ROBO2: variants seen among roughly 807,000 people sequenced by gnomAD.
The protein encoded by ROBO2 is roundabout guidance receptor 2.
In ROBO2, 53 loss-of-function variants were observed where a neutral mutation model predicts 160.8. The observed-to-expected ratio is 0.33, with a 90% CI of 0.26 to 0.41. ROBO2 has a LOEUF of 0.41. Ranked by LOEUF, ROBO2 falls within the 10% of genes least tolerant of loss-of-function variation. The pLI is 1.00. For missense variants in ROBO2, 1,577 were observed against 1,722.4 expected, an observed-to-expected ratio of 0.92 and a Z score of 1.49; for synonymous variants, 664 against 611.7, an observed-to-expected ratio of 1.09 and a Z score of -1.26.
intron 2 of ROBO2, among the ~76,000 whole-genome samples, chr3:76,249,316 C>T (rs1013334189): frequency 6.6e-6 from 1 of 152,054 alleles, no homozygotes; most frequent in Non-Finnish European, 1.5e-5. Flanking sequence ...GCGGTTAAAA[C>T]TGAGATTCTC....
At chr3:76,315,255 G>A (rs1031587027) in intron 2 of ROBO2, among the ~76,000 whole-genome samples, 2 of 152,050 alleles carry the variant, frequency 1.3e-5, no homozygotes, top group Non-Finnish European at 2.9e-5. Context: ...TTAAACTATT[G>A]GCAACGAAGT....
chr3:75,929,172 CGTGTGTGTGTGTGTGTGT>C (rs35861088), intron 1 of ROBO2, among the ~76,000 whole-genome samples: 14 of 113,650 alleles, frequency 1.2e-4, no homozygotes, highest in African/African-American at 5.7e-4. Context: ...CTGGATAAGA[CGTGTGTGTGTGTGTGTGT>C]GTGTGTGTGT....
intron 16 of ROBO2, among the ~76,000 whole-genome samples, chr3:77,583,580 A>C (rs1357975757): frequency 1.3e-5 from 2 of 152,072 alleles, no homozygotes; most frequent in East Asian, 1.9e-4. Flanking sequence ...TGACCATATT[A>C]AGTCCATACA....
chr3:77,360,521 G>T (rs1252185258), intron 2 of ROBO2, among the ~76,000 whole-genome samples: 1 of 152,038 alleles, frequency 6.6e-6, no homozygotes, highest in Non-Finnish European at 1.5e-5. Flanking sequence ...AGATAATGAG[G>T]ACTATCTGTG....
chr3:77,093,361 C>T (rs989631747), intron 1 of ROBO2, among the ~76,000 whole-genome samples: 1 of 152,148 alleles, frequency 6.6e-6, no homozygotes, highest in Non-Finnish European at 1.5e-5. Context: ...CTCCCCCTTA[C>T]TGTTTTGTTC....
intron 2 of ROBO2, among the ~76,000 whole-genome samples, chr3:77,219,300 A>G (rs112727162): frequency 2.0e-3 from 309 of 151,520 alleles, no homozygotes; most frequent in African/African-American, 6.8e-3. Context: ...TAGAGTGCCC[A>G]TTGTTGCTCC....
At chr3:77,450,612 G>GA (rs2081018430) in intron 2 of ROBO2, among the ~76,000 whole-genome samples, 1 of 151,998 alleles carries the variant, frequency 6.6e-6, no homozygotes, top group Non-Finnish European at 1.5e-5. Flanking sequence ...CAATTAATAT[G>GA]AAAAAGTTTT....
At chr3:75,914,796 C>G (rs576851127) in intron 1 of ROBO2, among the ~76,000 whole-genome samples, 1 of 152,284 alleles carries the variant, frequency 6.6e-6, no homozygotes, top group African/African-American at 2.4e-5. Flanking sequence ...ACAAATGGTC[C>G]TTTCCTGCTG....
intron 2 of ROBO2, among the ~76,000 whole-genome samples, chr3:75,945,458 T>A (rs1401761566): frequency 6.6e-6 from 1 of 152,074 alleles, no homozygotes; most frequent in Non-Finnish European, 1.5e-5. Context: ...TATTTGCTGT[T>A]GTAATGACCT....
intron 2 of ROBO2, among the ~76,000 whole-genome samples, chr3:77,405,534 A>C (rs753050277): frequency 2.2e-4 from 34 of 152,060 alleles, no homozygotes; most frequent in Admixed American, 4.6e-4. Flanking sequence ...TTAACATTGC[A>C]GGTAGAACTC....
chr3:76,525,413 G>A (rs1413435064), intron 2 of ROBO2, among the ~76,000 whole-genome samples: 1 of 151,940 alleles, frequency 6.6e-6, no homozygotes, highest in Non-Finnish European at 1.5e-5. Flanking sequence ...GTCTCTGACA[G>A]TTTAATGAAT....
At chr3:77,577,292 G>A (rs1441489374) in intron 14 of ROBO2, among the ~76,000 whole-genome samples, 198 bp from the exon 16 acceptor site, 1 of 152,046 alleles carries the variant, frequency 6.6e-6, no homozygotes, top group African/African-American at 2.4e-5. Flanking sequence ...TACAAAAGCT[G>A]TTCCATTTGC....
chr3:77,216,357 G>A (rs62251855), intron 2 of ROBO2, among the ~76,000 whole-genome samples: 3,385 of 152,278 alleles, frequency 0.022, 48 homozygotes, highest in Middle Eastern at 0.048. Flanking sequence ...GACTCCGTGG[G>A]CATAGGACCC....
At chr3:77,630,696 A>T (rs2095142506) in intron 23 of ROBO2, 1 of 152,146 alleles carries the variant, frequency 6.6e-6, no homozygotes, top group Non-Finnish European at 1.5e-5. Flanking sequence ...CTTCACAAAA[A>T]TAATGTAGAA....
At chr3:77,021,549 C>T (rs927341207) in intron 2 of ROBO2, among the ~76,000 whole-genome samples, 1 of 152,142 alleles carries the variant, frequency 6.6e-6, no homozygotes, top group African/African-American at 2.4e-5. Context: ...AGAGGAGGTC[C>T]TGCCCTATAC....
chr3:77,564,982 G>T, exon 12 of ROBO2: 2 of 1,613,414 alleles, frequency 1.2e-6, no homozygotes, highest in Admixed American at 1.7e-5. Flanking sequence ...CTGGCAGACC[G>T]TGGCAAACCA....
At position 76,317,324 on chromosome 3, in the gene ROBO2, A is replaced by G. The variant is rs150905970; in HGVS notation, c.109+379722A>G. The stretch of plus-strand genomic sequence containing the variant: ...TGGATCTCACCTTTGTAACGCTGGG[A>G]AATCATTTTTATTACAAGGCTTTTA... On this transcript the variant is annotated intron_variant, in intron 2 of 26. Transcript: ENST00000487694. Among the ~76,000 whole-genome samples, 231 of 152,334 alleles carry G rather than the reference A, an allele frequency of 1.5e-3. 2 individuals are homozygous for G. Among genetic ancestry groups the G allele is most frequent in the African/African-American group, 3.9e-3 (161 of 41,590 alleles).
chr3:77,461,058 A>G (rs1231397795), intron 2 of ROBO2, among the ~76,000 whole-genome samples: 1 of 152,128 alleles, frequency 6.6e-6, no homozygotes, highest in African/African-American at 2.4e-5. Context: ...AATAAACACC[A>G]TCTTTCATAT....
At chr3:75,924,909 C>T (rs1169214372) in intron 1 of ROBO2, among the ~76,000 whole-genome samples, 3 of 151,196 alleles carry the variant, frequency 2.0e-5, no homozygotes, top group African/African-American at 4.8e-5. Flanking sequence ...AGGATGGTCT[C>T]GATCTCCTGA....
Sources: allele counts gnomAD v4.1 joint callset (sites outside exome capture counted in the v4.1 genomes callset), GRCh38; gene constraint gnomAD v4.1.1; transcripts MANE v1.5; gene names NCBI Gene and HGNC (gene_info 2026-07-23, HGNC 2026-07-21).